Variants in VAV2 observed in about 807,000 individuals in gnomAD.
VAV2 encodes the protein guanine nucleotide exchange factor VAV2.
In VAV2, 67 loss-of-function variants were observed where a neutral mutation model predicts 132.5. The observed-to-expected ratio is 0.51, with a 90% confidence interval of 0.42 to 0.62. The LOEUF is 0.62. VAV2 is among the 20% of genes least tolerant of loss of function. The pLI is 0.00. For missense variants in VAV2, 938 were observed against 1,153.6 expected, an observed-to-expected ratio of 0.81 and a Z score of 2.71; for synonymous variants, 492 against 443.5, an observed-to-expected ratio of 1.11 and a Z score of -1.37.
chr9:133,848,610 C>T (rs1428813301), intron 3 of VAV2, among the ~76,000 whole-genome samples: 1 of 152,244 alleles, frequency 6.6e-6, no homozygotes, highest in African/African-American at 2.4e-5. Flanking sequence ...CCTCTCTTGT[C>T]GAAACGCCGC....
chr9:133,888,178 A>G (rs1422028006), intron 2 of VAV2, among the ~76,000 whole-genome samples: 1 of 152,172 alleles, frequency 6.6e-6, no homozygotes, highest in Non-Finnish European at 1.5e-5. Flanking sequence ...GCAGACAGCA[A>G]GCAGAAGTGG....
rs866327537 is a variant in VAV2, at chr9:133,794,662, G to T, written c.1101+1006C>A. Among the ~76,000 whole-genome samples, 10 of 152,202 alleles carry T rather than the reference G, an allele frequency of 6.6e-5. No homozygotes were observed. The highest frequency in any genetic ancestry group is 2.2e-4 in the African/African-American group (9 of 41,468). On this transcript the variant is annotated intron_variant, in intron 12 of 29. Coordinates refer to ENST00000371850, the MANE Select transcript of VAV2 (RefSeq NM_001134398.2). This position sits in a 1 kb window ranked among gnomAD's most constrained non-coding sequence, Gnocchi z 4.6. ...CAGAGGGCAGGACTGCAGCCCTGAGGGGGGCTGGCAGAGGTGTCCTGTGCT... is the reference window on the plus strand; with the variant it reads ...CAGAGGGCAGGACTGCAGCCCTGAGTGGGGCTGGCAGAGGTGTCCTGTGCT...
rs554797016 is a variant in VAV2 at position 133,787,520 on chromosome 9, C to T, written c.1408-260G>A. Among the ~76,000 whole-genome samples the T allele has an allele frequency of 2.0e-5, 3 of 152,314 alleles. No homozygotes were observed. In the South Asian group the frequency reaches 6.2e-4, roughly 32 times the overall value. On this transcript the variant is annotated intron_variant, in intron 15 of 29. Transcript: ENST00000371850. Reference sequence around the variant, plus strand: ...GGGAGGGTCACCCTCAACAGCTCATCCAGTCTGCACTTGCTGGGTCTGGAC... The same window carrying T: ...GGGAGGGTCACCCTCAACAGCTCATTCAGTCTGCACTTGCTGGGTCTGGAC...
At chr9:133,875,561 G>T (rs1838228349) in intron 2 of VAV2, among the ~76,000 whole-genome samples, 1 of 152,246 alleles carries the variant, frequency 6.6e-6, no homozygotes, top group Non-Finnish European at 1.5e-5. Context: ...CAAAGAAACA[G>T]GCGATCCCCT....
rs898361542 is a variant in VAV2, at chr9:133,969,200, C to T, written c.204+22875G>A. ...GAGAGCTGGATTCCACCGTGCCCGCCGGGCCTGCGAGGACGAGCCTCTGCA... is the reference window on the plus strand; with the variant it reads ...GAGAGCTGGATTCCACCGTGCCCGCTGGGCCTGCGAGGACGAGCCTCTGCA... On this transcript the variant is annotated intron_variant, in intron 1 of 29. Transcript: ENST00000371850. The surrounding 1 kb of genome is among the most constrained non-coding windows in gnomAD (Gnocchi z 5.1). 6.6e-6 allele frequency among the ~76,000 whole-genome samples: 1 copy of T among 151,892 alleles called. No individual in the cohort carries two copies. The highest frequency in any genetic ancestry group is 6.6e-5 in the Admixed American group (1 of 15,260).
Position 133,779,810 on chromosome 9 carries a change from G to A in VAV2, c.1762+108C>T, listed in dbSNP as rs1461460753. On this transcript the variant is annotated intron_variant, in intron 21 of 29. Coordinates refer to ENST00000371850, the MANE Select transcript of VAV2 (RefSeq NM_001134398.2). ...ATGGCAGCATCCAGGAGCCTGGAGCGTCTGGTGGCTGGGCAGACCTGGCCA... is the reference window on the plus strand; with the variant it reads ...ATGGCAGCATCCAGGAGCCTGGAGCATCTGGTGGCTGGGCAGACCTGGCCA... 6.1e-5 allele frequency: 88 copies of A among 1,450,554 alleles called. 2 individuals are homozygous for A. In the South Asian group the frequency reaches 7.6e-4, roughly 12 times the overall value. 89.9% of individuals were successfully genotyped at this position (1,450,554 alleles called of 1,614,324 possible). A position where few individuals can be genotyped will look rare whatever the true frequency, so the allele number is the denominator to read the frequency against.
chr9:133,907,561 T>C lies in VAV2; in HGVS notation c.321+31542A>G, dbSNP rs1286843022. Among the ~76,000 whole-genome samples the C allele has an allele frequency of 2.6e-5, 4 of 152,296 alleles. No individual in the cohort carries two copies. The South Asian group carries it at 6.2e-4, about 24-fold the overall frequency. ...CTGACTAACTTTAAGCTCCACCACGTTGGAAAGCCCCCTGGGAGATGTTTT... is the reference window on the plus strand; with the variant it reads ...CTGACTAACTTTAAGCTCCACCACGCTGGAAAGCCCCCTGGGAGATGTTTT... On this transcript the variant is annotated intron_variant, in intron 2 of 29. Coordinates refer to ENST00000371850, the MANE Select transcript of VAV2 (RefSeq NM_001134398.2).
chr9:133,904,532 G>C (rs1005376217), intron 2 of VAV2, among the ~76,000 whole-genome samples: 1 of 152,390 alleles, frequency 6.6e-6, no homozygotes, highest in African/African-American at 2.4e-5. Flanking sequence ...AGCAGCCCCT[G>C]CAACAAAGCA....
chr9:133,802,422 T>G lies in VAV2; in HGVS notation c.836+3659A>C, dbSNP rs1438594308. On this transcript the variant is annotated intron_variant, in intron 9 of 29. Transcript: ENST00000371850. This position sits in a 1 kb window ranked among gnomAD's most constrained non-coding sequence, Gnocchi z 5.8. Reference sequence around the variant, plus strand: ...GCAGCCTCCCCCTCCCCCGCCCCACTCCGGCTGACTCCTCCCCTGGAGAAA... The same window carrying G: ...GCAGCCTCCCCCTCCCCCGCCCCACGCCGGCTGACTCCTCCCCTGGAGAAA... Among the ~76,000 whole-genome samples the G allele has an allele frequency of 1.7e-5, 1 of 59,714 alleles. No homozygotes were observed. Among genetic ancestry groups the G allele is most frequent in the South Asian group, 8.1e-4 (1 of 1,230 alleles). 39.2% of individuals were successfully genotyped at this position (59,714 alleles called of 152,430 possible).
At chr9:133,986,801 G>A (rs1040433435) in intron 1 of VAV2, among the ~76,000 whole-genome samples, 8 of 152,022 alleles carry the variant, frequency 5.3e-5, no homozygotes, top group Non-Finnish European at 1.2e-4. Context: ...GGCTACACCA[G>A]CCCAGCCCCT....
At chr9:133,870,974 AGATGGATG>A (rs554262545) in intron 2 of VAV2, among the ~76,000 whole-genome samples, 9 of 80,430 alleles carry the variant, frequency 1.1e-4, no homozygotes, top group East Asian at 4.1e-4. Flanking sequence ...GTGGGTGGGT[AGATGGATG>A]GATGGATGGA....
At chr9:133,929,529 A>G (rs887574663) in intron 2 of VAV2, among the ~76,000 whole-genome samples, 7 of 152,218 alleles carry the variant, frequency 4.6e-5, no homozygotes, top group Admixed American at 1.3e-4. Context: ...GGGGGACCCA[A>G]GGCTGATAGA....
At chr9:133,934,468 C>G (rs998730622) in intron 2 of VAV2, among the ~76,000 whole-genome samples, 2 of 152,184 alleles carry the variant, frequency 1.3e-5, no homozygotes, top group African/African-American at 4.8e-5. Context: ...GGCCTGTGAG[C>G]AGGTGAGGAG....
At chr9:133,801,361 C>T (rs2510262) in intron 9 of VAV2, among the ~76,000 whole-genome samples, 24,129 of 152,244 alleles carry the variant, frequency 0.16, 2,047 homozygotes, top group South Asian at 0.23. Flanking sequence ...GGCTCAGAGA[C>T]GTGACGTGAC....
rs1469267301 is a variant in VAV2, at chr9:133,992,197, C to A, written c.82G>T (p.Ala28Ser). The change falls in exon 1 of 30, where the codon GCC becomes TCC. Residue 28 changes from alanine (A) to serine (S), a missense_variant. Transcript: ENST00000371850. This position sits in a 1 kb window ranked among gnomAD's most constrained non-coding sequence, Gnocchi z 5.5. ...PPNHRVVWPS[A>S]VVFDLAQALR... ...GCCTGCGCCAGGTCGAAGACCACGG[C>A]CGAGGGCCACACCACCCGGTGGTTG... 6 of 1,597,964 alleles carry A rather than the reference C, an allele frequency of 3.8e-6. No individual in the cohort carries two copies. Among genetic ancestry groups the A allele is most frequent in the East Asian group, 2.3e-5 (1 of 43,848 alleles).
At chr9:133,858,465 G>A (rs1259504125) in intron 3 of VAV2, among the ~76,000 whole-genome samples, 1 of 152,148 alleles carries the variant, frequency 6.6e-6, no homozygotes, top group Non-Finnish European at 1.5e-5. Flanking sequence ...ACCCACGCCC[G>A]ATGTATCCTG....
chr9:133,837,084 G>A (rs879542126), intron 3 of VAV2, among the ~76,000 whole-genome samples: 12 of 152,200 alleles, frequency 7.9e-5, no homozygotes, highest in Non-Finnish European at 1.8e-4. Flanking sequence ...CTGTGACTTT[G>A]GACAACCTAC....
chr9:133,926,795 G>A lies in VAV2; in HGVS notation c.321+12308C>T, dbSNP rs1840494201. Among the ~76,000 whole-genome samples the A allele has an allele frequency of 6.6e-6, 1 of 152,126 alleles. No homozygotes were observed. Among genetic ancestry groups the A allele is most frequent in the Non-Finnish European group, 1.5e-5 (1 of 68,030 alleles). ...TGGCCCCTGGCTCCCTGTCTTCCCA[G>A]GCTCCGATCATCTGAGGCTGCATGT... On this transcript the variant is annotated intron_variant, in intron 2 of 29. Transcript: ENST00000371850. The surrounding 1 kb of genome is among the most constrained non-coding windows in gnomAD (Gnocchi z 4.3).
At chr9:133,786,614 A>G (rs1004562014) in intron 16 of VAV2, among the ~76,000 whole-genome samples, 1 of 152,242 alleles carries the variant, frequency 6.6e-6, no homozygotes, top group Non-Finnish European at 1.5e-5. Context: ...GAAGTAGAAC[A>G]GTAACAACAA....
Sources: allele counts gnomAD v4.1 joint callset (sites outside exome capture counted in the v4.1 genomes callset), GRCh38; gene constraint gnomAD v4.1.1; non-coding constraint Gnocchi (gnomAD v3.1); transcripts MANE v1.5; gene names NCBI Gene and HGNC (gene_info 2026-07-23, HGNC 2026-07-21).